Variants in USP44 observed in about 807,000 individuals in gnomAD.
The protein encoded by USP44 is ubiquitin specific peptidase 44.
Under a neutral mutation model 69.0 loss-of-function variants are expected in USP44, and 61 were observed. The ratio of observed to expected loss-of-function variants is 0.88; its 90% CI spans 0.72 to 1.09. The LOEUF is 1.09. Ranked by LOEUF, USP44 falls within the 50% of genes least tolerant of loss-of-function variation. The pLI is 0.00. For synonymous variants in USP44, 297 were observed against 295.4 expected (o/e 1.01, Z -0.06); for missense variants, 753 against 849.9 (o/e 0.89, Z 1.42).
rs745410068 is a variant in USP44, at chr12:95,524,723, A to G, written c.1690T>C (p.Cys564Arg). 4.3e-6 allele frequency: 7 copies of G among 1,612,686 alleles called. No individual in the cohort carries two copies. Among genetic ancestry groups the G allele is most frequent in the South Asian group, 2.2e-5 (2 of 90,720 alleles). ...AGTCTGAGAACCTGAGGTAGGTGGC[A>G]TATCATAAGTTGTTTCTGGGCTTCT... Reference protein sequence around the residue: ...LTEAQKQLMICHLPQVLRLHL... With the variant: ...LTEAQKQLMIRHLPQVLRLHL... The change falls in exon 4 of 6, where the codon TGC becomes CGC. Residue 564 changes from cysteine (C) to arginine (R), a missense_variant. Coordinates refer to ENST00000258499, the MANE Select transcript of USP44 (RefSeq NM_032147.5).
chr12:95,533,295 CA>C lies in USP44; in HGVS notation c.961del (p.Cys321ValfsTer10). ...AMTASEKTRS[C>X]KHPPVTDTVV... is the part of the protein sequence containing the mutation. ...TGTATCTGTGACTGGTGGATGCTTACAAGATCTTGTCTTCTCGCTAGCAGTC... is the reference window on the plus strand; with the variant it reads ...TGTATCTGTGACTGGTGGATGCTTACAGATCTTGTCTTCTCGCTAGCAGTC... On this transcript the variant is annotated frameshift_variant, in exon 2 of 6. Coordinates refer to ENST00000258499, the MANE Select transcript of USP44 (RefSeq NM_032147.5). LOFTEE classifies it high-confidence loss of function. 2 of 1,614,108 alleles carry C rather than the reference CA, an allele frequency of 1.2e-6. No individual in the cohort carries two copies. The highest frequency in any genetic ancestry group is 1.7e-6 in the Non-Finnish European group (2 of 1,180,048).
intron 1 of USP44, among the ~76,000 whole-genome samples, chr12:95,544,620 AAC>A (rs1307386090): frequency 1.3e-5 from 2 of 152,224 alleles, no homozygotes; most frequent in East Asian, 3.8e-4. Flanking sequence ...ATGATGAATA[AAC>A]ACACAAAAAA....
At chr12:95,547,200 T>C (rs1341130514) in intron 1 of USP44, among the ~76,000 whole-genome samples, 2 of 152,194 alleles carry the variant, frequency 1.3e-5, no homozygotes, top group Non-Finnish European at 2.9e-5. Context: ...ATACACAAAG[T>C]AGTCAAAATA....
In USP44 at chr12:95,534,310, C is replaced by T; in HGVS notation, c.-54G>A. On this transcript the variant is annotated 5_prime_UTR_variant, in exon 2 of 6. The change creates a new upstream start codon in the 5' untranslated region. Transcript: ENST00000258499. ...TCCAAACAAGTCTCTGTTCACAACA[C>T]TTGAAGCATCTGAAAACTAAACAGA... is the stretch of plus-strand genomic sequence containing the variant. 1 of 1,483,660 alleles carries T rather than the reference C, an allele frequency of 6.7e-7. No homozygotes were observed. Among genetic ancestry groups the T allele is most frequent in the South Asian group, 1.3e-5 (1 of 77,150 alleles). The allele number at this position is 1,483,660 out of a possible 1,614,324, so 91.9% of individuals were successfully genotyped here.
chr12:95,550,622 T>C (rs182706592), intron 1 of USP44, among the ~76,000 whole-genome samples: 32 of 152,314 alleles, frequency 2.1e-4, no homozygotes, highest in Admixed American at 1.8e-3. Context: ...ATATTAATAA[T>C]AGAAAAATCA....
intron 1 of USP44, among the ~76,000 whole-genome samples, chr12:95,541,170 T>C (rs1376620855): frequency 6.6e-6 from 1 of 152,146 alleles, no homozygotes. Context: ...TCCCAGCTGC[T>C]TGGGAGGCTG....
In USP44 at chr12:95,519,432, ATTTTTTTTTT is replaced by A. The variant is rs60940181; in HGVS notation, c.1940-1089_1940-1080del. Reference sequence around the variant, plus strand: ...TTCAGACAAGGTATACTCAATCTGTATTTTTTTTTTTTTTTTTTTTTTTTTGAGATGGAGT... The same window carrying A: ...TTCAGACAAGGTATACTCAATCTGTATTTTTTTTTTTTTTTGAGATGGAGT... On this transcript the variant is annotated intron_variant, in intron 5 of 5. Coordinates refer to ENST00000258499, the MANE Select transcript of USP44 (RefSeq NM_032147.5). Among the ~76,000 whole-genome samples, 6 of 84,546 alleles carry A rather than the reference ATTTTTTTTTT, an allele frequency of 7.1e-5. No homozygotes were observed. In the Admixed American group the frequency reaches 7.8e-4, roughly 11 times the overall value. 55.5% of individuals were successfully genotyped at this position (84,546 alleles called of 152,430 possible).
At position 95,534,021 on chromosome 12, in the gene USP44, C is replaced by CA. The variant is rs1322757046; in HGVS notation, c.235dup (p.Cys79LeufsTer5). On this transcript the variant is annotated frameshift_variant, in exon 2 of 6. Transcript: ENST00000258499. LOFTEE classifies it high-confidence loss of function. Reference sequence around the variant, plus strand: ...CAGAACATAATCATCACAAAGGTAACAAAAAACGTACATCTCATTCACCTC... The same window carrying CA: ...CAGAACATAATCATCACAAAGGTAACAAAAAAACGTACATCTCATTCACCTC... The CA allele has an allele frequency of 1.2e-6, 2 of 1,613,884 alleles. No individual in the cohort carries two copies. Among genetic ancestry groups the CA allele is most frequent in the African/African-American group, 1.3e-5 (1 of 74,898 alleles).
In USP44 at chr12:95,533,230, C is replaced by T. The variant is rs149240749; in HGVS notation, c.1027G>A (p.Gly343Ser). 5.6e-6 allele frequency: 9 copies of T among 1,614,108 alleles called. No homozygotes were observed. In the African/African-American group the frequency reaches 8.0e-5, roughly 14 times the overall value. ...CTTGATTGTCTGGAGCAAACAAAAC[C>T]TGTATCTTTTTCCTGACATTCATTC... ...QMNECQEKDT[G>S]FVCSRQSSLS... is the part of the protein sequence containing the mutation. Residue 343 changes from glycine (G) to serine (S), a missense_variant, in exon 2 of 6, where the codon GGT (glycine) becomes AGT (serine). Physicochemically the swap from Gly to Ser is moderately conservative, Grantham distance 56. Coordinates refer to ENST00000258499, the MANE Select transcript of USP44 (RefSeq NM_032147.5).
chr12:95,519,532 C>T (rs528409884), intron 5 of USP44, among the ~76,000 whole-genome samples: 2 of 149,998 alleles, frequency 1.3e-5, no homozygotes, highest in African/African-American at 2.5e-5. Flanking sequence ...CTCCGCCTCC[C>T]GGGTTCACGC....
chr12:95,527,538 G>A (rs1370288122), intron 3 of USP44, among the ~76,000 whole-genome samples: 1 of 152,156 alleles, frequency 6.6e-6, no homozygotes, highest in Non-Finnish European at 1.5e-5. Flanking sequence ...AGGAAGGAGT[G>A]CAGTGGCACG....
At chr12:95,524,052 T>C (rs1332920566) in intron 4 of USP44, among the ~76,000 whole-genome samples, 1 of 151,846 alleles carries the variant, frequency 6.6e-6, no homozygotes, top group African/African-American at 2.4e-5. Context: ...AATTTTTGTA[T>C]TTTTATTTTT....
Position 95,517,283 on chromosome 12 carries a change from C to CTAT in USP44, c.*868_*870dup, listed in dbSNP as rs2076503991. ...CCTATAATTTTTTCTCTTCAAGACTCTATTCCTTTGAACTAAAAAAAATAC... is the reference window on the plus strand; with the variant it reads ...CCTATAATTTTTTCTCTTCAAGACTCTATTATTCCTTTGAACTAAAAAAAATAC... On this transcript the variant is annotated 3_prime_UTR_variant, in exon 6 of 6. Transcript: ENST00000258499. The CTAT allele has an allele frequency of 6.6e-6, 1 of 151,828 alleles. No individual in the cohort carries two copies. Among genetic ancestry groups the CTAT allele is most frequent in the Non-Finnish European group, 1.5e-5 (1 of 67,964 alleles). 9.4% of individuals were successfully genotyped at this position (151,828 alleles called of 1,614,324 possible). A position where few individuals can be genotyped will look rare whatever the true frequency, so the allele number is the denominator to read the frequency against.
At chr12:95,519,654 G>T (rs1035345016) in intron 5 of USP44, among the ~76,000 whole-genome samples, 1 of 149,410 alleles carries the variant, frequency 6.7e-6, no homozygotes, top group Non-Finnish European at 1.5e-5. Flanking sequence ...CCGTGGTCTC[G>T]ATCTCCTGAC....
chr12:95,527,836 C>CTTCTTT (rs1555198851), intron 3 of USP44, among the ~76,000 whole-genome samples: 2 of 54,834 alleles, frequency 3.6e-5, no homozygotes, highest in African/African-American at 8.6e-5. Context: ...GAGGAAGATG[C>CTTCTTT]TTTTTTTTTT....
intron 1 of USP44, among the ~76,000 whole-genome samples, chr12:95,543,777 T>G (rs1007801501): frequency 1.3e-5 from 2 of 151,430 alleles, no homozygotes; most frequent in Non-Finnish European, 2.9e-5. Flanking sequence ...CCATCCTGGC[T>G]AACACAGTGA....
At position 95,528,878 on chromosome 12, in the gene USP44, G is replaced by C; in HGVS notation, c.1553C>G (p.Thr518Ser). 1.9e-6 allele frequency: 3 copies of C among 1,614,026 alleles called. No individual in the cohort carries two copies. The highest frequency in any genetic ancestry group is 2.5e-6 in the Non-Finnish European group (3 of 1,179,992). ...TTCTGTAAATTTGGCCAACATTTCA[G>C]TAACCAGACATGGCTGGGAAGCAAT... ...KDIASQPCLV[T>S]EMLAKFTETE... The change falls in exon 3 of 6, where the codon ACT (threonine) becomes AGT (serine). Residue 518 changes from threonine (T) to serine (S), a missense_variant. Physicochemically the swap from Thr to Ser is moderately conservative, Grantham distance 58. Coordinates refer to ENST00000258499, the MANE Select transcript of USP44 (RefSeq NM_032147.5).
At chr12:95,522,202 T>C (rs1306302426) in intron 4 of USP44, 1 of 670,554 alleles carries the variant, frequency 1.5e-6, no homozygotes, top group East Asian at 1.4e-4. Context: ...AAGGCAGACA[T>C]AGATAAAAAT....
chr12:95,521,525 G>A (rs1031936016), intron 4 of USP44, among the ~76,000 whole-genome samples: 1 of 152,184 alleles, frequency 6.6e-6, no homozygotes, highest in African/African-American at 2.4e-5. Flanking sequence ...TTTTTGAGAC[G>A]GAGTCTTGCT....
Sources: allele counts gnomAD v4.1 joint callset (sites outside exome capture counted in the v4.1 genomes callset), GRCh38; gene constraint gnomAD v4.1.1; transcripts MANE v1.5; gene names NCBI Gene and HGNC (gene_info 2026-07-23, HGNC 2026-07-21).